SLC6A15: variants seen among roughly 807,000 people sequenced by gnomAD.
SLC6A15 encodes solute carrier family 6 member 15.
Under a neutral mutation model 68.5 loss-of-function variants are expected in SLC6A15, and 33 were observed. That is an observed-to-expected ratio of 0.48 (90% CI 0.37 to 0.64). The LOEUF (loss-of-function observed/expected upper bound fraction) is 0.64, where lower values mean the gene tolerates loss of function less well. Among genes scored for constraint, SLC6A15 ranks in the 30% least tolerant of loss-of-function variants. The pLI is 0.00. For synonymous variants in SLC6A15, 347 were observed against 301.0 expected (o/e 1.15, Z -1.58); for missense variants, 747 against 874.3 (o/e 0.85, Z 1.84).
intron 9 of SLC6A15, chr12:84,867,906 G>A (rs1477966611): frequency 6.6e-6 from 1 of 152,188 alleles, no homozygotes; most frequent in Admixed American, 6.5e-5. Context: ...CTACTACTTA[G>A]AAAAGTTTTT....
rs566409744 is a variant in SLC6A15, at chr12:84,880,512, G to A, written c.756+3347C>T. 5.3e-5 allele frequency among the ~76,000 whole-genome samples: 8 copies of A among 152,256 alleles called. 1 individual carries two copies. In the East Asian group the frequency reaches 1.5e-3, roughly 29 times the overall value. On this transcript the variant is annotated intron_variant, in intron 5 of 11. Coordinates refer to ENST00000266682, the MANE Select transcript of SLC6A15 (RefSeq NM_182767.6). ...TGCCACTAAATGGAAACTCCATGAG[G>A]ACAGGCACATTGTTTACCTTGTTAG...
At chr12:84,887,860 A>T (rs1292839899) in intron 2 of SLC6A15, among the ~76,000 whole-genome samples, 1 of 151,998 alleles carries the variant, frequency 6.6e-6, no homozygotes, top group Non-Finnish European at 1.5e-5. Context: ...AAGAACTGAA[A>T]GTAGATCTAC....
Position 84,883,943 on chromosome 12 carries a change from T to A in SLC6A15, c.672A>T (p.Leu224Phe). The change falls in exon 5 of 12, where the codon TTA (leucine) becomes TTT (phenylalanine). Residue 224 changes from leucine to phenylalanine, a missense_variant. Coordinates refer to ENST00000266682, the MANE Select transcript of SLC6A15 (RefSeq NM_182767.6). ...ACAAGCAGATGGTCATCTTCCAGTT[T>A]AAGCCCCCACTTTCAGAAATGGAAC... ...ISSSISESGGLNWKMTICLLA... is the reference protein window; with the variant it reads ...ISSSISESGGFNWKMTICLLA... The A allele has an allele frequency of 6.2e-7, 1 of 1,614,198 alleles. No individual in the cohort carries two copies. Among genetic ancestry groups the A allele is most frequent in the Non-Finnish European group, 8.5e-7 (1 of 1,180,024 alleles).
chr12:84,898,594 C>A (rs1247093502), intron 1 of SLC6A15, among the ~76,000 whole-genome samples: 1 of 152,168 alleles, frequency 6.6e-6, no homozygotes, highest in African/African-American at 2.4e-5. Flanking sequence ...AACTGTGCTT[C>A]AGTTTCTTCA....
chr12:84,878,702 A>G (rs925883957), intron 5 of SLC6A15, among the ~76,000 whole-genome samples: 1 of 152,140 alleles, frequency 6.6e-6, no homozygotes, highest in Non-Finnish European at 1.5e-5. Context: ...AGGTACTAAG[A>G]AAAGATTCTT....
Position 84,892,077 on chromosome 12 carries a change from T to C in SLC6A15, c.44A>G (p.Asp15Gly), listed in dbSNP as rs1399448465. Residue 15 changes from aspartate to glycine, a missense_variant, in exon 2 of 12, where the codon GAT becomes GGT. Transcript: ENST00000266682. ...SKVVKRELDDDVTESVKDLLS... is the reference protein window; with the variant it reads ...SKVVKRELDDGVTESVKDLLS... ...AAGGTCTTTGACAGACTCAGTAACATCATCATCTAATTCTCTTTTTACCAC... is the reference window on the plus strand; with the variant it reads ...AAGGTCTTTGACAGACTCAGTAACACCATCATCTAATTCTCTTTTTACCAC... 1.2e-6 allele frequency: 2 copies of C among 1,612,066 alleles called. No homozygotes were observed. Among genetic ancestry groups the C allele is most frequent in the East Asian group, 2.2e-5 (1 of 44,732 alleles).
Position 84,876,571 on chromosome 12 carries a change from G to A in SLC6A15, c.793C>T (p.Leu265Phe), listed in dbSNP as rs752764303. The A allele has an allele frequency of 1.3e-6, 2 of 1,592,022 alleles. No individual in the cohort carries two copies. The highest frequency in any genetic ancestry group is 1.7e-6 in the Non-Finnish European group (2 of 1,169,268). The change falls in exon 6 of 12, where the codon CTT becomes TTT. Residue 265 changes from leucine to phenylalanine, a missense_variant. Physicochemically the swap from Leu to Phe is conservative, Grantham distance 22. Transcript: ENST00000266682. The stretch of plus-strand genomic sequence containing the variant: ...AATGCTCTGATGAGGAAGCAAATAA[G>A]TACCACATATGGAAACAGAGAACTA... ...YFSSLFPYVV[L>F]ICFLIRAFLL...
intron 9 of SLC6A15, among the ~76,000 whole-genome samples, chr12:84,868,392 A>G (rs888663718): frequency 1.3e-5 from 2 of 152,210 alleles, no homozygotes; most frequent in South Asian, 4.1e-4. Context: ...GATCCTGAAG[A>G]ACGTTAAGTA....
intron 11 of SLC6A15, 39 bp downstream of exon 11, chr12:84,863,400 A>C: frequency 6.7e-7 from 1 of 1,492,254 alleles, no homozygotes; most frequent in Non-Finnish European, 8.9e-7. Flanking sequence ...AGCTTTTTAT[A>C]TATCTTTTAA....
At chr12:84,872,486 G>T in intron 8 of SLC6A15, 116 bp downstream of exon 8, 1 of 663,234 alleles carries the variant, frequency 1.5e-6, no homozygotes, top group African/African-American at 1.9e-5. Context: ...GCTTCTCCGG[G>T]CATTTTAAGA....
chr12:84,885,591 C>T, intron 3 of SLC6A15, 30 bp from the exon 4 acceptor site: 1 of 1,580,382 alleles, frequency 6.3e-7, no homozygotes, highest in Non-Finnish European at 8.6e-7. Context: ...CCCATTAAAC[C>T]TCTCATACCT....
chr12:84,875,700 G>GT lies in SLC6A15; in HGVS notation c.867+796_867+797insA, dbSNP rs1352325915. On this transcript the variant is annotated intron_variant, in intron 6 of 11. Transcript: ENST00000266682. ...TATATATATATATATATATATATAT[G>GT]AGAATCAAAAACGTGGTCCCTGTTA... is the stretch of plus-strand genomic sequence containing the variant. Among the ~76,000 whole-genome samples the GT allele has an allele frequency of 7.1e-4, 6 of 8,500 alleles. 2 individuals carry two copies. The highest frequency in any genetic ancestry group is 3.2e-3 in the Admixed American group (2 of 616). 5.6% of individuals were successfully genotyped at this position (8,500 alleles called of 152,430 possible).
intron 10 of SLC6A15, among the ~76,000 whole-genome samples, chr12:84,865,105 A>C (rs938012390): frequency 1.3e-5 from 2 of 152,178 alleles, no homozygotes; most frequent in Non-Finnish European, 2.9e-5. Context: ...ATCAAATTCC[A>C]TCATGGTACA....
Position 84,884,003 on chromosome 12 carries a change from G to T in SLC6A15, c.612C>A (p.Thr204=), listed in dbSNP as rs1871957324. ...EPECEQSSAT[T]YYWYREALNI... is the part of the protein sequence containing the mutation. ...TCAGTGCTTCCCTGTACCAGTAATA[G>T]GTGGTGGCAGAACTTTGTTCACATT... The change falls in exon 5 of 12, where the codon ACC becomes ACA. Residue 204 remains threonine, a synonymous_variant. Coordinates refer to ENST00000266682, the MANE Select transcript of SLC6A15 (RefSeq NM_182767.6). The T allele has an allele frequency of 1.2e-6, 2 of 1,614,140 alleles. No individual in the cohort carries two copies. Among genetic ancestry groups the T allele is most frequent in the East Asian group, 4.5e-5 (2 of 44,880 alleles).
At chr12:84,894,863 T>C (rs1872571554) in intron 1 of SLC6A15, among the ~76,000 whole-genome samples, 1 of 151,968 alleles carries the variant, frequency 6.6e-6, no homozygotes, top group African/African-American at 2.4e-5. Flanking sequence ...TATTATATCA[T>C]AAACACTTTG....
chr12:84,886,737 A>G (rs1408391100), intron 2 of SLC6A15, among the ~76,000 whole-genome samples: 1 of 152,194 alleles, frequency 6.6e-6, no homozygotes, highest in Admixed American at 6.5e-5. Flanking sequence ...AAAACATTTA[A>G]TATCTATTGT....
At chr12:84,897,217 A>T (rs2120700226) in intron 1 of SLC6A15, among the ~76,000 whole-genome samples, 1 of 152,180 alleles carries the variant, frequency 6.6e-6, no homozygotes, top group South Asian at 2.1e-4. Context: ...TAAATAAAAT[A>T]AAATAAAATA....
chr12:84,901,205 G>A (rs1305937593), intron 1 of SLC6A15, among the ~76,000 whole-genome samples: 1 of 151,236 alleles, frequency 6.6e-6, no homozygotes, highest in Non-Finnish European at 1.5e-5. Context: ...TTAAAAGTTT[G>A]GCAGCACTCG....
chr12:84,870,172 G>T (rs1299752583), intron 9 of SLC6A15, among the ~76,000 whole-genome samples: 1 of 150,594 alleles, frequency 6.6e-6, no homozygotes, highest in African/African-American at 2.5e-5. Context: ...AACAGTCCAT[G>T]ACTTTATTCT....
Sources: gnomAD v4.1 joint callset for allele counts (sites outside exome capture counted in the v4.1 genomes callset) on GRCh38, gnomAD v4.1.1 for gene constraint, MANE v1.5 for transcripts, NCBI Gene and HGNC (gene_info 2026-07-23, HGNC 2026-07-21) for gene names.